Variants in NEK4 observed in about 807,000 individuals in gnomAD.
The protein encoded by NEK4 is serine/threonine-protein kinase Nek4.
Under a neutral mutation model 98.4 loss-of-function variants are expected in NEK4, and 86 were observed. That is an observed-to-expected ratio of 0.87 (90% CI 0.73 to 1.05). The LOEUF (loss-of-function observed/expected upper bound fraction) is 1.05. Ranked by LOEUF, NEK4 falls within the 50% of genes least tolerant of loss-of-function variation. NEK4 has a pLI of 0.00. For missense variants in NEK4, 898 were observed against 950.3 expected, an observed-to-expected ratio of 0.94 and a Z score of 0.72; for synonymous variants, 328 against 342.2, an observed-to-expected ratio of 0.96 and a Z score of 0.46.
Position 52,739,513 on chromosome 3 carries a change from G to A in NEK4, c.2215C>T (p.His739Tyr). Residue 739 changes from histidine (H) to tyrosine (Y), a missense_variant, in exon 14 of 16, where the codon CAT becomes TAT. Coordinates refer to ENST00000233027, the MANE Select transcript of NEK4 (RefSeq NM_003157.6). ...ATCAGTGTGTCCCGATATTTCCGAT[G>A]AAGTTTGAATTCTGACACTGGGTTT... ...VANPVSEFKLHRKYRDTLILH... is the reference protein window; with the variant it reads ...VANPVSEFKLYRKYRDTLILH... 6.2e-7 allele frequency: 1 copy of A among 1,614,160 alleles called. No homozygotes were observed. The highest frequency in any genetic ancestry group is 8.5e-7 in the Non-Finnish European group (1 of 1,180,018).
intron 15 of NEK4, among the ~76,000 whole-genome samples, chr3:52,735,714 C>A (rs2097374938): frequency 6.6e-6 from 1 of 152,196 alleles, no homozygotes; most frequent in African/African-American, 2.4e-5. Flanking sequence ...ATAGCTCAGG[C>A]ATGCCTGGGG....
intron 11 of NEK4, among the ~76,000 whole-genome samples, chr3:52,744,009 C>G (rs1019787596): frequency 6.6e-6 from 1 of 152,160 alleles, no homozygotes; most frequent in Admixed American, 6.6e-5. Flanking sequence ...TCAAAGCCCT[C>G]TTGTTATTTC....
chr3:52,732,187 A>G (rs1561294814), intron 15 of NEK4, among the ~76,000 whole-genome samples: 1 of 152,006 alleles, frequency 6.6e-6, no homozygotes, highest in Non-Finnish European at 1.5e-5. Flanking sequence ...CCAGCCTCAC[A>G]GATTGATTTC....
At chr3:52,768,815 G>A (rs1467884953) in intron 1 of NEK4, among the ~76,000 whole-genome samples, 1 of 151,816 alleles carries the variant, frequency 6.6e-6, no homozygotes, top group Non-Finnish European at 1.5e-5. Flanking sequence ...AGCAGTGTAG[G>A]GCCACAAAAA....
At chr3:52,759,534 C>T (rs1278678779) in intron 6 of NEK4, among the ~76,000 whole-genome samples, 1 of 152,170 alleles carries the variant, frequency 6.6e-6, no homozygotes, top group African/African-American at 2.4e-5. Context: ...TAGGATACCA[C>T]TTTACACCCA....
In NEK4 at chr3:52,737,614, A is replaced by G; in HGVS notation, c.2405T>C (p.Leu802Ser). 1.9e-6 allele frequency: 3 copies of G among 1,613,970 alleles called. No homozygotes were observed. The South Asian group carries it at 3.3e-5, about 18-fold the overall frequency. ...VQLLEQVYDL[L>S]EEEDEFDREV... The stretch of plus-strand genomic sequence containing the variant: ...TCTATCAAATTCATCCTCCTCCTCC[A>G]AAAGATCATACACCTGCTCTAAAAG... Residue 802 changes from leucine (L) to serine (S), a missense_variant, in exon 15 of 16, where the codon TTG (leucine) becomes TCG (serine). Transcript: ENST00000233027.
At chr3:52,723,856 T>C (rs904244976) in intron 15 of NEK4, among the ~76,000 whole-genome samples, 1 of 151,822 alleles carries the variant, frequency 6.6e-6, no homozygotes, top group Non-Finnish European at 1.5e-5. Flanking sequence ...AAAGACAAAA[T>C]AAATATAAAC....
At chr3:52,758,448 G>A (rs1004535133) in intron 6 of NEK4, among the ~76,000 whole-genome samples, 2 of 151,676 alleles carry the variant, frequency 1.3e-5, no homozygotes, top group Non-Finnish European at 1.5e-5. Context: ...CTAAAAATTC[G>A]ATCGACAACC....
intron 13 of NEK4, 109 bp from the exon 14 acceptor site, chr3:52,739,743 G>A (rs1011654042): frequency 3.3e-6 from 3 of 898,962 alleles, no homozygotes; most frequent in Non-Finnish European, 3.5e-6. Context: ...AAATGTCCAA[G>A]TAAGTTCCTA....
chr3:52,760,252 T>C (rs1445102200), intron 6 of NEK4, among the ~76,000 whole-genome samples: 6 of 152,370 alleles, frequency 3.9e-5, no homozygotes, highest in African/African-American at 9.6e-5. Context: ...TGTCTCATTC[T>C]GTCACCCAGG....
At chr3:52,760,250 T>G (rs758110543) in intron 6 of NEK4, among the ~76,000 whole-genome samples, 6 of 152,224 alleles carry the variant, frequency 3.9e-5, no homozygotes, top group Non-Finnish European at 7.3e-5. Flanking sequence ...AGTGTCTCAT[T>G]CTGTCACCCA....
Position 52,711,773 on chromosome 3 carries a change from A to G in NEK4, c.*4T>C, listed in dbSNP as rs2097350607. On this transcript the variant is annotated 3_prime_UTR_variant, in exon 16 of 16. Transcript: ENST00000233027. Reference sequence around the variant, plus strand: ...TAATTCTGGCAGCAGATTAGGACAAATGCTCAAAAATTCATGTTTTCTTCA... The same window carrying G: ...TAATTCTGGCAGCAGATTAGGACAAGTGCTCAAAAATTCATGTTTTCTTCA... 2 of 1,589,574 alleles carry G rather than the reference A, an allele frequency of 1.3e-6. No homozygotes were observed. Among genetic ancestry groups the G allele is most frequent in the Non-Finnish European group, 8.6e-7 (1 of 1,158,632 alleles).
intron 15 of NEK4, among the ~76,000 whole-genome samples, chr3:52,729,588 A>G (rs1199070947): frequency 6.6e-6 from 1 of 151,754 alleles, no homozygotes; most frequent in Non-Finnish European, 1.5e-5. Flanking sequence ...GTTGCCTGTA[A>G]TCCCAGCTAC....
chr3:52,716,375 C>T (rs1308813684), intron 15 of NEK4, among the ~76,000 whole-genome samples: 1 of 152,166 alleles, frequency 6.6e-6, no homozygotes, highest in African/African-American at 2.4e-5. Context: ...CTCACCAAAC[C>T]GAAATTGAGC....
chr3:52,748,996 A>G (rs1270916808), intron 8 of NEK4, among the ~76,000 whole-genome samples: 2 of 151,862 alleles, frequency 1.3e-5, no homozygotes, highest in African/African-American at 4.8e-5. Context: ...GTAAGATTGG[A>G]GGATCACTTG....
In NEK4 at chr3:52,746,298, G is replaced by A. The variant is rs1287760383; in HGVS notation, c.1678-88C>T. 1.4e-5 allele frequency: 18 copies of A among 1,306,710 alleles called. No individual in the cohort carries two copies. In the East Asian group the frequency reaches 1.7e-4, roughly 12 times the overall value. 80.9% of individuals were successfully genotyped at this position (1,306,710 alleles called of 1,614,324 possible). ...CAGCAGGTTCTCTATGTATTTGTCCGTGGTTTGCTCTTAAAACCTTCAAAA... is the reference window on the plus strand; with the variant it reads ...CAGCAGGTTCTCTATGTATTTGTCCATGGTTTGCTCTTAAAACCTTCAAAA... On this transcript the variant is annotated intron_variant, in intron 9 of 15. Transcript: ENST00000233027.
intron 8 of NEK4, among the ~76,000 whole-genome samples, chr3:52,747,115 A>G (rs1317224376): frequency 6.6e-6 from 1 of 152,130 alleles, no homozygotes; most frequent in Admixed American, 6.6e-5. Context: ...TTCAAATATA[A>G]CAATGCAGAA....
intron 15 of NEK4, among the ~76,000 whole-genome samples, chr3:52,717,889 G>GTT (rs2097356662): frequency 6.6e-6 from 1 of 151,904 alleles, no homozygotes; most frequent in African/African-American, 2.4e-5. Context: ...CCCTCCCTGG[G>GTT]TTCAAGCAAT....
At position 52,741,446 on chromosome 3, in the gene NEK4, A is replaced by G. The variant is rs1295939287; in HGVS notation, c.2058T>C (p.Ser686=). The change falls in exon 13 of 16, where the codon AGT becomes AGC. Residue 686 remains serine, a synonymous_variant. Coordinates refer to ENST00000233027, the MANE Select transcript of NEK4 (RefSeq NM_003157.6). ...LSEDELSSST[S]STDKSDGDYG... ...AATCCCCATCTGACTTATCAGTTGA[A>G]CTTGTAGAAGAACTTAACTCATCCT... is the stretch of plus-strand genomic sequence containing the variant. The G allele has an allele frequency of 6.2e-7, 1 of 1,610,704 alleles. No homozygotes were observed. The highest frequency in any genetic ancestry group is 1.7e-5 in the Admixed American group (1 of 60,008).
Sources: gnomAD v4.1 joint callset for allele counts (sites outside exome capture counted in the v4.1 genomes callset) on GRCh38, gnomAD v4.1.1 for gene constraint, MANE v1.5 for transcripts, NCBI Gene and HGNC (gene_info 2026-07-23, HGNC 2026-07-21) for gene names.